SMARCD3: variants seen among roughly 807,000 people sequenced by gnomAD.
SMARCD3 encodes the protein SWI/SNF related BAF chromatin remodeling complex subunit D3, also known as SWI/SNF-related matrix-associated actin-dependent regulator of chromatin subfamily D member 3.
Under a neutral mutation model 58.0 loss-of-function variants are expected in SMARCD3, and 14 were observed. The observed-to-expected ratio is 0.24, with a 90% CI of 0.16 to 0.38. The LOEUF (loss-of-function observed/expected upper bound fraction) is 0.38. SMARCD3 is among the 10% of genes least tolerant of loss of function. The pLI, the probability that SMARCD3 is intolerant of heterozygous loss-of-function variation, is 1.00. For synonymous variants in SMARCD3, 253 were observed against 253.8 expected (o/e 1.00, Z 0.03); for missense variants, 408 against 636.9 (o/e 0.64, Z 3.87).
At chr7:151,271,384 G>T (rs1221455555) in intron 2 of SMARCD3, among the ~76,000 whole-genome samples, 1 of 152,016 alleles carries the variant, frequency 6.6e-6, no homozygotes, top group East Asian at 1.9e-4. Context: ...TGGGCCTCAG[G>T]TTCAAGCCTC....
At chr7:151,258,707 C>T (rs1256497058) in intron 2 of SMARCD3, among the ~76,000 whole-genome samples, 3 of 152,146 alleles carry the variant, frequency 2.0e-5, no homozygotes, top group Non-Finnish European at 4.4e-5. Context: ...CTCATCCTTA[C>T]TCCCTGTCCC....
At chr7:151,274,968 G>A in intron 2 of SMARCD3, 2 of 646,778 alleles carry the variant, frequency 3.1e-6, no homozygotes, top group South Asian at 1.8e-5. Flanking sequence ...GGACAGAGAG[G>A]CCCTGCCATG....
intron 2 of SMARCD3, among the ~76,000 whole-genome samples, chr7:151,268,453 C>G (rs757587887): frequency 3.3e-5 from 5 of 152,146 alleles, no homozygotes; most frequent in Non-Finnish European, 7.4e-5. Context: ...ATGAGTGGAA[C>G]AGGCTGTGTG....
intron 2 of SMARCD3, among the ~76,000 whole-genome samples, chr7:151,265,914 G>A (rs554607813): frequency 7.2e-5 from 11 of 152,292 alleles, no homozygotes; most frequent in Admixed American, 1.3e-4. Flanking sequence ...GTAATCACCC[G>A]TTGCACTGTG....
chr7:151,255,528 C>T (rs1226905758), intron 2 of SMARCD3, among the ~76,000 whole-genome samples: 1 of 152,226 alleles, frequency 6.6e-6, no homozygotes, highest in Non-Finnish European at 1.5e-5. Flanking sequence ...GCTGCATGCT[C>T]TTCCAGACAT....
rs1303286477 is a variant in SMARCD3, at chr7:151,239,094, T to G, written c.*9A>C. 6.2e-7 allele frequency: 1 copy of G among 1,614,018 alleles called. No homozygotes were observed. The highest frequency in any genetic ancestry group is 1.7e-5 in the Admixed American group (1 of 60,030). ...TGAAAGTTCCGTCGTGCTGCTTATT[T>G]TTGGGCTCCTAGGTGTTGCGCACAA... On this transcript the variant is annotated 3_prime_UTR_variant, in exon 13 of 13. Coordinates refer to ENST00000262188, the MANE Select transcript of SMARCD3 (RefSeq NM_001003801.2). This position sits in a 1 kb window ranked among gnomAD's most constrained non-coding sequence, Gnocchi z 7.0.
intron 1 of SMARCD3, chr7:151,276,640 T>G (rs1158473097): frequency 7.1e-5 from 1 of 14,140 alleles, no homozygotes; most frequent in Non-Finnish European, 1.2e-4. Flanking sequence ...GGTACGAGGT[T>G]GGGGTGGGGG....
intron 2 of SMARCD3, among the ~76,000 whole-genome samples, chr7:151,274,274 T>C (rs547762871): frequency 1.2e-3 from 189 of 152,332 alleles, no homozygotes; most frequent in African/African-American, 4.2e-3. Context: ...TGGGTGGGGC[T>C]GGGCAGGCAG....
intron 2 of SMARCD3, among the ~76,000 whole-genome samples, chr7:151,273,131 T>C (rs919281804): frequency 5.9e-5 from 9 of 152,224 alleles, no homozygotes; most frequent in Admixed American, 5.9e-4. Flanking sequence ...GCCGATTGCA[T>C]GTGAATGCAA....
chr7:151,271,499 C>T (rs558573033), intron 2 of SMARCD3, among the ~76,000 whole-genome samples: 1 of 152,164 alleles, frequency 6.6e-6, no homozygotes, highest in Non-Finnish European at 1.5e-5. Context: ...CCTCCTCATA[C>T]CCAAACTCAC....
chr7:151,244,414 C>T (rs1803155838), intron 2 of SMARCD3, among the ~76,000 whole-genome samples: 1 of 152,104 alleles, frequency 6.6e-6, no homozygotes, highest in Non-Finnish European at 1.5e-5. Context: ...TCTAACTAAC[C>T]CAAAAACCCC....
chr7:151,260,177 CAAGCTGCCTCCCCAGTGTCCCCGTGCTA>C (rs1803871507), intron 2 of SMARCD3, among the ~76,000 whole-genome samples: 1 of 152,156 alleles, frequency 6.6e-6, no homozygotes, highest in Admixed American at 6.5e-5. Flanking sequence ...TCCTTTACCC[CAAGCTGCCTCCCCAGTGTCCCCGTGCTA>C]AAGCTTGCCT....
At chr7:151,258,208 G>A (rs574476410) in intron 2 of SMARCD3, among the ~76,000 whole-genome samples, 1 of 152,120 alleles carries the variant, frequency 6.6e-6, no homozygotes, top group African/African-American at 2.4e-5. Context: ...CACAGCTACT[G>A]GGTAGCCTGC....
Position 151,263,828 on chromosome 7 carries a change from T to G in SMARCD3, c.39+11286A>C, listed in dbSNP as rs1055305692. On this transcript the variant is annotated intron_variant, in intron 2 of 13. Coordinates refer to the SMARCD3 transcript ENST00000356800. ...TTAAAAAATGCAATGAGGACCATAG[T>G]ACATCCTTGCTTAAGATCTGACAAT... 5.3e-5 allele frequency among the ~76,000 whole-genome samples: 8 copies of G among 152,176 alleles called. No individual in the cohort carries two copies. In the South Asian group the frequency reaches 1.4e-3, roughly 28 times the overall value.
In SMARCD3 at chr7:151,245,635, G is replaced by C; in HGVS notation, c.115C>G (p.Gln39Glu). The change falls in exon 2 of 13, where the codon CAG (glutamine) becomes GAG (glutamate). Residue 39 changes from glutamine (Q) to glutamate (E), a missense_variant. Physicochemically the swap from Gln to Glu is conservative, Grantham distance 29. This residue lies in a region of SMARCD3 where 84 missense variants were observed against 81.2 expected (regional missense o/e 1.03). Coordinates refer to ENST00000262188, the MANE Select transcript of SMARCD3 (RefSeq NM_001003801.2). The surrounding 1 kb of genome is among the most constrained non-coding windows in gnomAD (Gnocchi z 6.2). Reference protein sequence around the residue: ...GMPSGARMPHQGAPMGPPGSP... With the variant: ...GMPSGARMPHEGAPMGPPGSP... ...CCCGGGGGGCCCATGGGCGCCCCCT[G>C]GTGGGGCATCCGGGCTCCAGACGGC... is the stretch of plus-strand genomic sequence containing the variant. 1 of 1,187,498 alleles carries C rather than the reference G, an allele frequency of 8.4e-7. No homozygotes were observed. The highest frequency in any genetic ancestry group is 4.3e-5 in the South Asian group (1 of 23,464). The allele number at this position is 1,187,498 out of a possible 1,614,324, so 73.6% of individuals were successfully genotyped here.
chr7:151,270,773 C>T (rs889117198), intron 2 of SMARCD3, among the ~76,000 whole-genome samples: 1 of 152,138 alleles, frequency 6.6e-6, no homozygotes, highest in South Asian at 2.1e-4. Flanking sequence ...AGCCCATTCT[C>T]GTTACTGTGC....
chr7:151,253,450 G>A (rs1803594001), upstream of SMARCD3, among the ~76,000 whole-genome samples: 1 of 152,184 alleles, frequency 6.6e-6, no homozygotes, highest in Non-Finnish European at 1.5e-5. Context: ...TGGCAGGCAG[G>A]TGCATGCGAA....
At chr7:151,257,323 C>T (rs150962346) in intron 2 of SMARCD3, among the ~76,000 whole-genome samples, 1,550 of 152,346 alleles carry the variant, frequency 0.01, 16 homozygotes, top group Non-Finnish European at 0.015. Context: ...ATGCAGCTCC[C>T]GCTGCTCCAC....
intron 2 of SMARCD3, among the ~76,000 whole-genome samples, chr7:151,253,698 C>A (rs1803603467): frequency 6.6e-6 from 1 of 152,156 alleles, no homozygotes. Flanking sequence ...TGTAGCAGGT[C>A]ACACACCCCA....
Sources: gnomAD v4.1 joint callset for allele counts (sites outside exome capture counted in the v4.1 genomes callset) on GRCh38, gnomAD v4.1.1 for gene constraint, gnomAD v4.1.1 regional missense constraint, Gnocchi (gnomAD v3.1) non-coding constraint, MANE v1.5 for transcripts, NCBI Gene and HGNC (gene_info 2026-07-23, HGNC 2026-07-21) for gene names.